The following ETFA variants were observed in gnomAD, a reference collection of about 807,000 sequenced individuals.
The protein encoded by ETFA is electron transfer flavoprotein subunit alpha, mitochondrial.
ETFA carries 22 observed loss-of-function variants against 46.2 expected under a neutral mutation model. The observed-to-expected ratio is 0.48, with a 90% CI of 0.34 to 0.68. ETFA has a LOEUF of 0.68. Among genes scored for constraint, ETFA ranks in the 30% least tolerant of loss-of-function variants. ETFA has a pLI of 0.01. For synonymous variants in ETFA, 131 were observed against 139.9 expected (o/e 0.94, Z 0.45); for missense variants, 345 against 401.1 (o/e 0.86, Z 1.19).
chr15:76,228,761 T>TA (rs1339725888), intron 10 of ETFA: 2 of 163,076 alleles, frequency 1.2e-5, no homozygotes, highest in East Asian at 3.7e-4. Context: ...CTTTTTTTTT[T>TA]TTTTTTTTTT....
rs112162587 is a variant in ETFA, at chr15:76,218,133, G to A, written c.964-1536C>T. 3.0e-3 allele frequency among the ~76,000 whole-genome samples: 457 copies of A among 152,290 alleles called. 1 individual carries two copies. Among genetic ancestry groups the A allele is most frequent in the African/African-American group, 9.4e-3 (389 of 41,558 alleles). On this transcript the variant is annotated intron_variant, in intron 11 of 11. Coordinates refer to ENST00000557943, the MANE Select transcript of ETFA (RefSeq NM_000126.4). ...GATAAAGCCCAACTACTTTTACCACGAAGTGAAACACTAATTTGGTTTAGA... is the reference window on the plus strand; with the variant it reads ...GATAAAGCCCAACTACTTTTACCACAAAGTGAAACACTAATTTGGTTTAGA...
chr15:76,233,717 A>C (rs2039093676), intron 9 of ETFA, among the ~76,000 whole-genome samples: 1 of 152,234 alleles, frequency 6.6e-6, no homozygotes, highest in Non-Finnish European at 1.5e-5. Context: ...ATCAAAATAT[A>C]CTAACATTCA....
intron 9 of ETFA, chr15:76,261,726 C>T (rs936696419): frequency 2.4e-5 from 6 of 249,654 alleles, no homozygotes; most frequent in Admixed American, 1.0e-4. Flanking sequence ...GCCCGGCCCA[C>T]GAGTGAGGAG....
intron 9 of ETFA, 72 bp from the exon 10 acceptor site, chr15:76,231,470 G>T: frequency 1.0e-6 from 1 of 958,004 alleles, no homozygotes; most frequent in Non-Finnish European, 1.6e-6. Flanking sequence ...TTTGCTGTTA[G>T]CAATTTAAGT....
chr15:76,257,120 C>G (rs944995345), intron 9 of ETFA, among the ~76,000 whole-genome samples: 8 of 152,176 alleles, frequency 5.3e-5, no homozygotes, highest in Admixed American at 3.3e-4. Flanking sequence ...CAGCAACTAA[C>G]AGCTTGGAAA....
intron 1 of ETFA, among the ~76,000 whole-genome samples, chr15:76,301,050 CTG>C (rs1163872303): frequency 1.3e-5 from 2 of 152,146 alleles, no homozygotes; most frequent in African/African-American, 4.8e-5. Context: ...AGTTCTCTGA[CTG>C]TAAAATGGAG....
intron 4 of ETFA, among the ~76,000 whole-genome samples, chr15:76,290,696 C>G (rs1469098357): frequency 6.6e-6 from 1 of 152,076 alleles, no homozygotes; most frequent in Non-Finnish European, 1.5e-5. Context: ...CATATTATCC[C>G]ATTTTAGAAG....
At chr15:76,260,023 A>G (rs1215545048) in intron 9 of ETFA, 12 of 1,479,586 alleles carry the variant, frequency 8.1e-6, no homozygotes, top group Non-Finnish European at 1.0e-5. Flanking sequence ...GAACTCTTCA[A>G]TGTCACTTGA....
intron 9 of ETFA, among the ~76,000 whole-genome samples, chr15:76,232,281 A>ATT (rs1214655746): frequency 6.6e-6 from 1 of 152,242 alleles, no homozygotes; most frequent in Admixed American, 6.5e-5. Context: ...AAGCACTTTA[A>ATT]TAAGTGCTTA....
intron 9 of ETFA, among the ~76,000 whole-genome samples, chr15:76,272,711 G>C (rs900133319): frequency 6.6e-6 from 1 of 151,784 alleles, no homozygotes; most frequent in African/African-American, 2.4e-5. Context: ...GATTAATTGA[G>C]GCTAGGAGTT....
At chr15:76,295,316 G>A (rs2039806873) in intron 2 of ETFA, among the ~76,000 whole-genome samples, 1 of 152,182 alleles carries the variant, frequency 6.6e-6, no homozygotes, top group East Asian at 1.9e-4. Flanking sequence ...CCTCTAAGGG[G>A]ACTCAAATAT....
At chr15:76,302,629 T>C (rs754466565) in intron 1 of ETFA, among the ~76,000 whole-genome samples, 85 of 152,070 alleles carry the variant, frequency 5.6e-4, no homozygotes, top group Non-Finnish European at 2.6e-4. Context: ...TCCAAACCCA[T>C]AGAAGGTACA....
chr15:76,259,775 C>T (rs778342439), intron 9 of ETFA: 14 of 1,602,528 alleles, frequency 8.7e-6, no homozygotes, highest in Non-Finnish European at 1.2e-5. Context: ...GTTCCGAGAG[C>T]TCAGGTACTC....
intron 9 of ETFA, among the ~76,000 whole-genome samples, chr15:76,249,281 G>A (rs1303681354): frequency 4.6e-5 from 7 of 151,338 alleles, no homozygotes; most frequent in East Asian, 3.9e-4. Context: ...GGCATGTGCC[G>A]CCACGCCTGG....
intron 9 of ETFA, among the ~76,000 whole-genome samples, chr15:76,262,474 C>CCTTTTTTTTTTT (rs1288079854): frequency 1.2e-5 from 1 of 84,688 alleles, no homozygotes; most frequent in African/African-American, 4.3e-5. Flanking sequence ...ATCAAACCCC[C>CCTTTTTTTTTTT]TTTTTTTTTT....
At chr15:76,309,756 G>A (rs1213280660) in intron 1 of ETFA, among the ~76,000 whole-genome samples, 2 of 152,034 alleles carry the variant, frequency 1.3e-5, no homozygotes, top group African/African-American at 4.8e-5. Flanking sequence ...GCATTCTTCT[G>A]GCTCAGGTTC....
intron 11 of ETFA, among the ~76,000 whole-genome samples, chr15:76,220,008 G>A (rs1286164988): frequency 6.6e-6 from 1 of 152,182 alleles, no homozygotes; most frequent in East Asian, 1.9e-4. Flanking sequence ...GAAAGCAGGG[G>A]CTTGAGCAGA....
intron 9 of ETFA, among the ~76,000 whole-genome samples, chr15:76,252,231 C>A (rs144650921): frequency 6.6e-6 from 1 of 152,268 alleles, no homozygotes; most frequent in East Asian, 1.9e-4. Context: ...TGTAGCGTCA[C>A]AACTACGGCT....
rs2039000191 is a variant in ETFA, at chr15:76,226,004, T to TG, written c.883-76_883-75insC. The TG allele has an allele frequency of 6.7e-6, 5 of 751,042 alleles. No individual in the cohort carries two copies. In the African/African-American group the frequency reaches 1.0e-4, roughly 15 times the overall value. The allele number at this position is 751,042 out of a possible 1,614,324, so 46.5% of individuals were successfully genotyped here. ...ACAGACTGATAGTTCTATTTTAACT[T>TG]CCAATATATTAATATTCTTAAAATG... On this transcript the variant is annotated intron_variant, in intron 10 of 11. Transcript: ENST00000557943.
Sources: allele counts gnomAD v4.1 joint callset (sites outside exome capture counted in the v4.1 genomes callset), GRCh38; gene constraint gnomAD v4.1.1; transcripts MANE v1.5; gene names NCBI Gene and HGNC (gene_info 2026-07-23, HGNC 2026-07-21).